Variants in SORCS3 observed in about 807,000 individuals in gnomAD.
SORCS3 encodes sortilin related VPS10 domain containing receptor 3, also known as VPS10 domain-containing receptor SorCS3.
Under a neutral mutation model 146.3 loss-of-function variants are expected in SORCS3, and 57 were observed. The ratio of observed to expected loss-of-function variants is 0.39; its 90% CI spans 0.31 to 0.49. The LOEUF (loss-of-function observed/expected upper bound fraction) is 0.49, where lower values mean the gene tolerates loss of function less well. Ranked by LOEUF, SORCS3 falls within the 20% of genes least tolerant of loss-of-function variation. The pLI, the probability that SORCS3 is intolerant of heterozygous loss-of-function variation, is 0.92. For synonymous variants in SORCS3, 653 were observed against 618.5 expected (o/e 1.06, Z -0.83); for missense variants, 1,341 against 1,575.5 (o/e 0.85, Z 2.52).
At chr10:104,793,457 G>A (rs547107734) in intron 1 of SORCS3, among the ~76,000 whole-genome samples, 1 of 152,262 alleles carries the variant, frequency 6.6e-6, no homozygotes, top group Non-Finnish European at 1.5e-5. Context: ...AGGATGTTGG[G>A]GAGGGTGGGT....
intron 3 of SORCS3, among the ~76,000 whole-genome samples, chr10:104,918,785 G>A (rs573621463): frequency 1.4e-4 from 21 of 152,260 alleles, no homozygotes; most frequent in South Asian, 8.3e-4. Context: ...GCCCTACAGC[G>A]CTGATCTCTG....
intron 16 of SORCS3, among the ~76,000 whole-genome samples, chr10:105,210,866 A>G (rs1292015189): frequency 6.6e-6 from 1 of 152,156 alleles, no homozygotes; most frequent in Non-Finnish European, 1.5e-5. Context: ...TACCTGCCAC[A>G]TTATTTATAT....
intron 18 of SORCS3, 81 bp from the exon 19 acceptor site, chr10:105,216,855 T>C (rs1331770716): frequency 7.2e-7 from 1 of 1,393,998 alleles, no homozygotes; most frequent in Non-Finnish European, 1.0e-6. Context: ...CAGAGGTTGA[T>C]GCTGAAGCAA....
intron 6 of SORCS3, among the ~76,000 whole-genome samples, chr10:105,100,317 T>C (rs150090830): frequency 2.2e-4 from 34 of 152,338 alleles, no homozygotes; most frequent in African/African-American, 7.7e-4. Flanking sequence ...AATCACTCTC[T>C]AGTTTTTACA....
At chr10:104,860,475 C>T (rs984481767) in intron 2 of SORCS3, among the ~76,000 whole-genome samples, 4 of 145,270 alleles carry the variant, frequency 2.8e-5, no homozygotes, top group African/African-American at 5.1e-5. Context: ...TGCTAAATGA[C>T]GAGTTAATGG....
At chr10:105,184,953 G>A (rs942488639) in intron 14 of SORCS3, among the ~76,000 whole-genome samples, 1 of 152,216 alleles carries the variant, frequency 6.6e-6, no homozygotes, top group Non-Finnish European at 1.5e-5. Flanking sequence ...TATGTGCATT[G>A]AAGAACTCTT....
chr10:104,795,013 T>C (rs1349636061), intron 1 of SORCS3, among the ~76,000 whole-genome samples: 1 of 152,158 alleles, frequency 6.6e-6, no homozygotes, highest in Non-Finnish European at 1.5e-5. Flanking sequence ...CAGTTTCCCG[T>C]TTTTATAACA....
intron 1 of SORCS3, among the ~76,000 whole-genome samples, chr10:104,659,968 C>T (rs1174329432): frequency 6.6e-6 from 1 of 152,184 alleles, no homozygotes; most frequent in East Asian, 1.9e-4. Flanking sequence ...TGAAAGGCCC[C>T]TGCAGAGATG....
chr10:104,973,289 C>T (rs1264540672), intron 3 of SORCS3, among the ~76,000 whole-genome samples: 1 of 150,850 alleles, frequency 6.6e-6, no homozygotes, highest in African/African-American at 2.4e-5. Flanking sequence ...CCTCCTTGTA[C>T]CTCTGGTAGA....
intron 1 of SORCS3, among the ~76,000 whole-genome samples, chr10:104,756,380 A>G (rs2017051146): frequency 6.6e-6 from 1 of 152,234 alleles, no homozygotes; most frequent in African/African-American, 2.4e-5. Context: ...ATGTCTGAAT[A>G]GTCCATGGAA....
intron 1 of SORCS3, among the ~76,000 whole-genome samples, chr10:104,733,390 C>T (rs2016730440): frequency 6.6e-6 from 1 of 152,032 alleles, no homozygotes; most frequent in Non-Finnish European, 1.5e-5. Context: ...CTTGCTCTTG[C>T]CCAGACTAGA....
chr10:105,105,194 A>T (rs1242786026), intron 6 of SORCS3, among the ~76,000 whole-genome samples: 3 of 152,208 alleles, frequency 2.0e-5, no homozygotes, highest in African/African-American at 7.2e-5. Flanking sequence ...ATATGAGATG[A>T]ACAATTTTTC....
At chr10:104,662,774 C>T (rs750766917) in intron 1 of SORCS3, among the ~76,000 whole-genome samples, 11 of 152,244 alleles carry the variant, frequency 7.2e-5, no homozygotes, top group African/African-American at 2.6e-4. Flanking sequence ...GGGTGTTTTT[C>T]GGAACTAGGA....
At chr10:104,867,640 T>G (rs80203323) in intron 2 of SORCS3, among the ~76,000 whole-genome samples, 1 of 152,242 alleles carries the variant, frequency 6.6e-6, no homozygotes, top group South Asian at 2.1e-4. Context: ...GCATTCACTC[T>G]TAGGGTCCTG....
In SORCS3 at chr10:104,859,440, C is replaced by T. The variant is rs557899823; in HGVS notation, c.695+16581C>T. ...ATTCAAGATGGATTAAAGACTTAAA[C>T]GTTAGACCTAAAGCCATAAAAACCC... On this transcript the variant is annotated intron_variant, in intron 2 of 26. Coordinates refer to ENST00000369701, the MANE Select transcript of SORCS3 (RefSeq NM_014978.3). Among the ~76,000 whole-genome samples the T allele has an allele frequency of 1.4e-4, 22 of 152,244 alleles. No homozygotes were observed. In the East Asian group the frequency reaches 3.1e-3, roughly 21 times the overall value.
intron 3 of SORCS3, among the ~76,000 whole-genome samples, chr10:104,926,869 T>C (rs1320798836): frequency 1.3e-5 from 2 of 152,234 alleles, no homozygotes; most frequent in South Asian, 2.1e-4. Context: ...CTTTTGCATT[T>C]TATTTGAAAA....
At chr10:104,889,211 C>A (rs1475050982) in intron 2 of SORCS3, among the ~76,000 whole-genome samples, 1 of 148,750 alleles carries the variant, frequency 6.7e-6, no homozygotes, top group African/African-American at 2.5e-5. Flanking sequence ...CTTTTAGACA[C>A]CATCTAGTTG....
chr10:104,883,024 C>T (rs2133576910), intron 2 of SORCS3, among the ~76,000 whole-genome samples: 1 of 152,296 alleles, frequency 6.6e-6, no homozygotes, highest in South Asian at 2.1e-4. Flanking sequence ...TTACAGGTGG[C>T]TGTGCCACCT....
rs992700685 is a variant in SORCS3 at position 104,859,447 on chromosome 10, C to A, written c.695+16588C>A. Among the ~76,000 whole-genome samples, 7 of 152,130 alleles carry A rather than the reference C, an allele frequency of 4.6e-5. No individual in the cohort carries two copies. In the South Asian group the frequency reaches 6.2e-4, roughly 14 times the overall value. Reference sequence around the variant, plus strand: ...ATGGATTAAAGACTTAAACGTTAGACCTAAAGCCATAAAAACCCTAGAAGA... The same window carrying A: ...ATGGATTAAAGACTTAAACGTTAGAACTAAAGCCATAAAAACCCTAGAAGA... On this transcript the variant is annotated intron_variant, in intron 2 of 26. Transcript: ENST00000369701.
Sources: allele counts gnomAD v4.1 joint callset (sites outside exome capture counted in the v4.1 genomes callset), GRCh38; gene constraint gnomAD v4.1.1; transcripts MANE v1.5; gene names NCBI Gene and HGNC (gene_info 2026-07-23, HGNC 2026-07-21).